Variants in ARMC9 observed in about 807,000 individuals in gnomAD.
ARMC9 encodes the protein lisH domain-containing protein ARMC9.
ARMC9 carries 94 observed loss-of-function variants against 107.0 expected under a neutral mutation model. That is an observed-to-expected ratio of 0.88 (90% CI 0.74 to 1.04). ARMC9 has a LOEUF of 1.04. Among genes scored for constraint, ARMC9 ranks in the 50% least tolerant of loss-of-function variants. The pLI is 0.00. For missense variants in ARMC9, 942 were observed against 1,030.1 expected (o/e 0.91, Z 1.17); for synonymous variants, 380 against 396.9 (o/e 0.96, Z 0.51).
intron 17 of ARMC9, among the ~76,000 whole-genome samples, chr2:231,285,697 G>A (rs2040541444): frequency 6.6e-6 from 1 of 151,886 alleles, no homozygotes; most frequent in South Asian, 2.1e-4. Context: ...ATTTAACAGA[G>A]ATTAAAGATA....
chr2:231,290,774 G>A (rs561780192), intron 17 of ARMC9, among the ~76,000 whole-genome samples: 55 of 152,040 alleles, frequency 3.6e-4, no homozygotes, highest in Non-Finnish European at 6.8e-4. Context: ...TTAAAGAGAG[G>A]TTCTATTCAT....
At chr2:231,269,875 T>G (rs1303317377) in intron 12 of ARMC9, among the ~76,000 whole-genome samples, 1 of 46,486 alleles carries the variant, frequency 2.2e-5, no homozygotes, top group African/African-American at 8.1e-5. Flanking sequence ...GCCCCCACCC[T>G]CCCCCCCTAT....
In ARMC9 at chr2:231,289,480, G is replaced by A. The variant is rs76475141; in HGVS notation, c.1627-1873G>A. On this transcript the variant is annotated intron_variant, in intron 17 of 24. Transcript: ENST00000611582. ...AGACTCCATCTCAAAAAATAAATAA[G>A]TAAAAATTTTTAAAAGGGGCTTATC... Among the ~76,000 whole-genome samples, 740 of 152,232 alleles carry A rather than the reference G, an allele frequency of 4.9e-3. 3 individuals carry two copies. The highest frequency in any genetic ancestry group is 7.9e-3 in the Non-Finnish European group (538 of 68,012).
intron 19 of ARMC9, among the ~76,000 whole-genome samples, chr2:231,314,801 G>C (rs920433551): frequency 6.6e-6 from 1 of 152,148 alleles, no homozygotes; most frequent in South Asian, 2.1e-4. Context: ...CTATGTTTAG[G>C]TATAGGACCA....
intron 17 of ARMC9, among the ~76,000 whole-genome samples, chr2:231,283,251 G>A (rs2040349256): frequency 6.6e-6 from 1 of 152,118 alleles, no homozygotes; most frequent in Non-Finnish European, 1.5e-5. Flanking sequence ...AGAAGGAGAC[G>A]AATGTGAGCA....
At chr2:231,354,104 G>A (rs1477237677) in intron 21 of ARMC9, among the ~76,000 whole-genome samples, 1 of 151,080 alleles carries the variant, frequency 6.6e-6, no homozygotes, top group Non-Finnish European at 1.5e-5. Flanking sequence ...CTGGCACCTG[G>A]CAGAACTGAG....
intron 7 of ARMC9, among the ~76,000 whole-genome samples, chr2:231,230,069 T>A (rs2035061607): frequency 6.6e-6 from 1 of 152,150 alleles, no homozygotes; most frequent in African/African-American, 2.4e-5. Flanking sequence ...CATTAAAAGT[T>A]GAGGTCTTGT....
intron 24 of ARMC9, 89 bp downstream of exon 24, chr2:231,370,214 G>C: frequency 7.3e-7 from 1 of 1,378,090 alleles, no homozygotes; most frequent in Non-Finnish European, 9.5e-7. Flanking sequence ...TTGGCCCCGT[G>C]CTCCTGTGTG....
chr2:231,244,871 G>A (rs1158167446), intron 9 of ARMC9, among the ~76,000 whole-genome samples: 2 of 152,272 alleles, frequency 1.3e-5, no homozygotes. Context: ...AGGACAGGCA[G>A]GGCAGTGATG....
In ARMC9 at chr2:231,276,769, A is replaced by G. The variant is rs746859897; in HGVS notation, c.1468A>G (p.Ser490Gly). 2 of 1,614,090 alleles carry G rather than the reference A, an allele frequency of 1.2e-6. No individual in the cohort carries two copies. Among genetic ancestry groups the G allele is most frequent in the Non-Finnish European group, 1.7e-6 (2 of 1,180,008 alleles). ...TTTGCTCATGAACCTCTGCCTCCGC[A>G]GCACAGGTCTCAGCCCCGACCCTCA... is the stretch of plus-strand genomic sequence containing the variant. Reference protein sequence around the residue: ...VALLMNLCLRSTGKNMCAKVA... With the variant: ...VALLMNLCLRGTGKNMCAKVA... The change falls in exon 15 of 25, where the codon AGC becomes GGC. Residue 490 changes from serine to glycine, a missense_variant. By Grantham distance (56) the Ser-to-Gly change is moderately conservative. Transcript: ENST00000611582.
At chr2:231,214,016 G>A (rs977657652) in intron 3 of ARMC9, among the ~76,000 whole-genome samples, 1 of 152,236 alleles carries the variant, frequency 6.6e-6, no homozygotes. Flanking sequence ...ACAAAATTAT[G>A]CCACAGATAT....
chr2:231,355,533 C>T (rs1374225307), intron 21 of ARMC9, among the ~76,000 whole-genome samples: 6 of 152,128 alleles, frequency 3.9e-5, no homozygotes, highest in Non-Finnish European at 5.9e-5. Context: ...GGTCGTAACA[C>T]GTAATTGTGT....
Position 231,297,749 on chromosome 2 carries a change from TATA to T in ARMC9, c.1773+1499_1773+1501del, listed in dbSNP as rs1184800948. Among the ~76,000 whole-genome samples the T allele has an allele frequency of 6.6e-6, 1 of 152,240 alleles. No individual in the cohort carries two copies. Among genetic ancestry groups the T allele is most frequent in the African/African-American group, 2.4e-5 (1 of 41,472 alleles). On this transcript the variant is annotated intron_variant, in intron 19 of 24. Coordinates refer to ENST00000611582, the MANE Select transcript of ARMC9 (RefSeq NM_001352754.2). The surrounding 1 kb of genome is among the most constrained non-coding windows in gnomAD (Gnocchi z 4.2). The stretch of plus-strand genomic sequence containing the variant: ...CGGACTTGGGCAGCCTTCTCTTGAT[TATA>T]ATGAGTCACCACCTTTGTGCCTGGC...
rs16827855 is a variant in ARMC9, at chr2:231,206,516, G to A, written c.51+227G>A. Reference sequence around the variant, plus strand: ...AAAGAAAATTATAAAAGCAATACACGTCCACGGTAAAAGATTCAAGCACTA... The same window carrying A: ...AAAGAAAATTATAAAAGCAATACACATCCACGGTAAAAGATTCAAGCACTA... On this transcript the variant is annotated intron_variant, in intron 2 of 24. Coordinates refer to ENST00000611582, the MANE Select transcript of ARMC9 (RefSeq NM_001352754.2). 3.3e-3 allele frequency among the ~76,000 whole-genome samples: 509 copies of A among 152,150 alleles called. 4 individuals carry two copies. The highest frequency in any genetic ancestry group is 0.012 in the African/African-American group (487 of 41,502).
At chr2:231,339,490 G>A (rs547970862) in intron 20 of ARMC9, among the ~76,000 whole-genome samples, 1 of 152,288 alleles carries the variant, frequency 6.6e-6, no homozygotes, top group African/African-American at 2.4e-5. Context: ...CTGGAGTGCA[G>A]TTGTGCAATC....
chr2:231,340,404 T>C lies in ARMC9; in HGVS notation c.1879-4571T>C, dbSNP rs2125575778. Among the ~76,000 whole-genome samples the C allele has an allele frequency of 2.0e-5, 3 of 152,332 alleles. 1 individual carries two copies. The South Asian group carries it at 6.2e-4, about 32-fold the overall frequency. The stretch of plus-strand genomic sequence containing the variant: ...AATAATCCTAAGCCAAAGTGGCTTA[T>C]TTTGGAATGGCATATTCTGCCACCC... On this transcript the variant is annotated intron_variant, in intron 20 of 24. Transcript: ENST00000611582.
Position 231,261,341 on chromosome 2 carries a change from C to T in ARMC9, c.1027-965C>T, listed in dbSNP as rs907837355. Among the ~76,000 whole-genome samples, 3 of 152,224 alleles carry T rather than the reference C, an allele frequency of 2.0e-5. No homozygotes were observed. The South Asian group carries it at 6.2e-4, about 31-fold the overall frequency. On this transcript the variant is annotated intron_variant, in intron 11 of 24. Transcript: ENST00000611582. Reference sequence around the variant, plus strand: ...CCTGTGGACATTGCGTAAATTTTTACTTGTAGCAACATGACAGACTTATGG... The same window carrying T: ...CCTGTGGACATTGCGTAAATTTTTATTTGTAGCAACATGACAGACTTATGG...
chr2:231,353,778 T>C (rs924644343), intron 21 of ARMC9, among the ~76,000 whole-genome samples: 1 of 151,960 alleles, frequency 6.6e-6, no homozygotes, highest in Non-Finnish European at 1.5e-5. Flanking sequence ...TGGTTCTCCA[T>C]TACTTGGGGA....
chr2:231,298,336 T>A lies in ARMC9; in HGVS notation c.1773+2083T>A, dbSNP rs1427412800. On this transcript the variant is annotated intron_variant, in intron 19 of 24. Coordinates refer to ENST00000611582, the MANE Select transcript of ARMC9 (RefSeq NM_001352754.2). ...GGGCACAGCCGGTCTTGCCTGGATT[T>A]TACTCAGCTTTCACCGGAGGCTAGC... Among the ~76,000 whole-genome samples, 37 of 152,236 alleles carry A rather than the reference T, an allele frequency of 2.4e-4. 1 individual carries two copies. The highest frequency in any genetic ancestry group is 2.4e-3 in the Admixed American group (37 of 15,288).
Sources: allele counts gnomAD v4.1 joint callset (sites outside exome capture counted in the v4.1 genomes callset), GRCh38; gene constraint gnomAD v4.1.1; non-coding constraint Gnocchi (gnomAD v3.1); transcripts MANE v1.5; gene names NCBI Gene and HGNC (gene_info 2026-07-23, HGNC 2026-07-21).